NLGN4X: variants seen among roughly 807,000 people sequenced by gnomAD.
NLGN4X encodes the protein neuroligin-4, X-linked.
Under a neutral mutation model 40.3 loss-of-function variants are expected in NLGN4X, and 3 were observed. The observed-to-expected ratio is 0.07, with a 90% CI of 0.03 to 0.19. The LOEUF (loss-of-function observed/expected upper bound fraction) is 0.19, where lower values mean the gene tolerates loss of function less well. Among genes scored for constraint, NLGN4X ranks in the 10% least tolerant of loss-of-function variants. NLGN4X has a pLI of 1.00. For missense variants in NLGN4X, 382 were observed against 708.3 expected, an observed-to-expected ratio of 0.54 and a Z score of 5.23; for synonymous variants, 270 against 306.8, an observed-to-expected ratio of 0.88 and a Z score of 1.25.
In NLGN4X at chrX:5,990,569, G is replaced by T. The variant is rs1181140873; in HGVS notation, c.625+38711C>A. On this transcript the variant is annotated intron_variant, in intron 3 of 5. Transcript: ENST00000381095. ...TATAACAACAATACAAGAATACACA[G>T]CAGCCAAAATATTCATTTTTTCCTT... Among the ~76,000 whole-genome samples the T allele has an allele frequency of 9.8e-5, 11 of 111,857 alleles. No individual in the cohort carries two copies. In the East Asian group the frequency reaches 2.3e-3, roughly 23 times the overall value.
intron 3 of NLGN4X, among the ~76,000 whole-genome samples, chrX:6,009,441 A>G (rs2036190625): frequency 8.9e-6 from 1 of 111,994 alleles, no homozygotes. Context: ...TTTTACGTTT[A>G]CTTTATTAAC....
At chrX:6,222,588 T>C (rs1352782358) in intron 1 of NLGN4X, among the ~76,000 whole-genome samples, 1 of 112,397 alleles carries the variant, frequency 8.9e-6, no homozygotes, top group Non-Finnish European at 1.9e-5. Flanking sequence ...AATGAGGACC[T>C]AAATGTTCAT....
chrX:6,177,446 G>A (rs1298775994), intron 1 of NLGN4X, among the ~76,000 whole-genome samples: 6 of 112,078 alleles, frequency 5.4e-5, no homozygotes, highest in Admixed American at 1.9e-4. Context: ...GATTACAGGC[G>A]TGAGCCACTG....
At chrX:6,184,636 T>C (rs1276152931) in intron 1 of NLGN4X, among the ~76,000 whole-genome samples, 1 of 111,445 alleles carries the variant, frequency 9.0e-6, no homozygotes, top group Non-Finnish European at 1.9e-5. Flanking sequence ...GCACTGATTT[T>C]CTTCTCCACC....
At chrX:6,110,966 G>C (rs753267675) in intron 2 of NLGN4X, among the ~76,000 whole-genome samples, 13 of 111,393 alleles carry the variant, frequency 1.2e-4, no homozygotes, top group African/African-American at 3.6e-4. Context: ...GAGGTGGTTC[G>C]AGGCGGAAAT....
At chrX:6,190,117 A>G (rs1215207442) in intron 1 of NLGN4X, among the ~76,000 whole-genome samples, 1 of 110,162 alleles carries the variant, frequency 9.1e-6, no homozygotes, top group Non-Finnish European at 1.9e-5. Context: ...GAGGTGGGAC[A>G]GCATTAATCT....
At chrX:5,989,896 TAAC>T (rs1472438250) in intron 3 of NLGN4X, among the ~76,000 whole-genome samples, 2 of 111,398 alleles carry the variant, frequency 1.8e-5, no homozygotes, top group Non-Finnish European at 3.8e-5. Context: ...AGTAAGAGAT[TAAC>T]AACAATTAAA....
intron 1 of NLGN4X, among the ~76,000 whole-genome samples, chrX:6,157,542 C>G (rs901347770): frequency 7.2e-5 from 8 of 111,045 alleles, no homozygotes; most frequent in South Asian, 7.6e-4. Context: ...AATATCATAG[C>G]TTGGGGGGCT....
chrX:5,912,344 C>T (rs2032518286), intron 3 of NLGN4X, among the ~76,000 whole-genome samples: 1 of 111,411 alleles, frequency 9.0e-6, no homozygotes, highest in Admixed American at 9.5e-5. Context: ...GCATCCTCAA[C>T]CAATCAGCAG....
intron 1 of NLGN4X, among the ~76,000 whole-genome samples, chrX:6,178,046 C>G (rs1439753805): frequency 9.0e-6 from 1 of 111,449 alleles, no homozygotes; most frequent in East Asian, 2.8e-4. Context: ...CTCCCAGCCT[C>G]CAGAATTGAG....
intron 2 of NLGN4X, among the ~76,000 whole-genome samples, chrX:6,100,729 C>A (rs1462500562): frequency 1.8e-5 from 2 of 112,243 alleles, no homozygotes; most frequent in Admixed American, 1.9e-4. Context: ...TTTATTCATT[C>A]ATGCACTTCA....
intron 2 of NLGN4X, among the ~76,000 whole-genome samples, chrX:6,038,388 G>A (rs928089664): frequency 8.9e-6 from 1 of 112,476 alleles, no homozygotes; most frequent in Non-Finnish European, 1.9e-5. Context: ...CCATACACCT[G>A]GAGAACAGAC....
intron 5 of NLGN4X, among the ~76,000 whole-genome samples, chrX:5,899,718 T>C (rs1302015528): frequency 2.8e-5 from 3 of 106,955 alleles, no homozygotes; most frequent in Non-Finnish European, 3.9e-5. Flanking sequence ...TTTTTTTTAA[T>C]AATGAGAGAG....
At chrX:6,026,716 T>C (rs991052660) in intron 3 of NLGN4X, among the ~76,000 whole-genome samples, 4 of 111,881 alleles carry the variant, frequency 3.6e-5, no homozygotes, top group South Asian at 3.7e-4. Flanking sequence ...TAGACCGGCA[T>C]AGAGATGCTA....
chrX:6,042,173 C>G (rs2037175701), intron 2 of NLGN4X, among the ~76,000 whole-genome samples: 1 of 111,636 alleles, frequency 9.0e-6, no homozygotes, highest in South Asian at 3.7e-4. Context: ...TTGTTTTTCT[C>G]TTAGTAGCTT....
intron 3 of NLGN4X, among the ~76,000 whole-genome samples, chrX:5,941,442 T>G (rs769282391): frequency 2.7e-5 from 3 of 111,315 alleles, no homozygotes; most frequent in African/African-American, 6.5e-5. Context: ...ATAAAGTAAG[T>G]TGGGATACAA....
chrX:5,952,898 G>A (rs1274275374), intron 3 of NLGN4X, among the ~76,000 whole-genome samples: 1 of 111,728 alleles, frequency 9.0e-6, no homozygotes, highest in East Asian at 2.8e-4. Context: ...CTGAAAATCT[G>A]ATGAGCATCA....
intron 3 of NLGN4X, among the ~76,000 whole-genome samples, chrX:5,909,743 A>C (rs981161742): frequency 9.9e-5 from 11 of 111,219 alleles, no homozygotes; most frequent in Non-Finnish European, 2.1e-4. Context: ...TCACTGAATT[A>C]GTTATTAACA....
chrX:6,163,704 T>C (rs1021358349), intron 1 of NLGN4X, among the ~76,000 whole-genome samples: 2 of 111,706 alleles, frequency 1.8e-5, no homozygotes, highest in South Asian at 3.8e-4. Context: ...GGGGTAAGCA[T>C]TGACATTCAA....
Sources: allele counts gnomAD v4.1 joint callset (sites outside exome capture counted in the v4.1 genomes callset), GRCh38; gene constraint gnomAD v4.1.1; transcripts MANE v1.5; gene names NCBI Gene and HGNC (gene_info 2026-07-23, HGNC 2026-07-21).